Variants in OPCML observed in about 807,000 individuals in gnomAD.
OPCML encodes the protein opioid-binding protein/cell adhesion molecule.
A neutral mutation model predicts 37.8 loss-of-function variants in OPCML; 13 were observed. The observed-to-expected ratio is 0.34, with a 90% CI of 0.22 to 0.55. OPCML has a LOEUF of 0.55. Among genes scored for constraint, OPCML ranks in the 20% least tolerant of loss-of-function variants. The pLI, the probability that OPCML is intolerant of heterozygous loss-of-function variation, is 0.91. For synonymous variants in OPCML, 176 were observed against 168.8 expected, an observed-to-expected ratio of 1.04 and a Z score of -0.33; for missense variants, 341 against 435.6, an observed-to-expected ratio of 0.78 and a Z score of 1.93.
intron 1 of OPCML, among the ~76,000 whole-genome samples, chr11:133,163,707 T>A (rs750065961): frequency 3.3e-5 from 5 of 152,214 alleles, no homozygotes; most frequent in Non-Finnish European, 7.3e-5. Flanking sequence ...AATTTCAGAA[T>A]GCTCTCCCAC....
intron 3 of OPCML, among the ~76,000 whole-genome samples, chr11:132,569,596 AG>A (rs1284711218): frequency 6.6e-6 from 1 of 152,196 alleles, no homozygotes; most frequent in African/African-American, 2.4e-5. Context: ...ATGTGGCAGT[AG>A]GGGGTAGCCT....
intron 2 of OPCML, among the ~76,000 whole-genome samples, chr11:132,832,741 C>A (rs1462620098): frequency 2.6e-5 from 4 of 152,166 alleles, no homozygotes; most frequent in Admixed American, 2.0e-4. Flanking sequence ...AGTGTACATA[C>A]ACACACTAAA....
At chr11:133,245,432 G>A (rs1940885879) in intron 1 of OPCML, among the ~76,000 whole-genome samples, 1 of 152,160 alleles carries the variant, frequency 6.6e-6, no homozygotes, top group Non-Finnish European at 1.5e-5. Context: ...CCAGGTCAAA[G>A]CCTTCTGAAT....
chr11:132,649,930 C>T (rs1295150401), intron 3 of OPCML, among the ~76,000 whole-genome samples: 1 of 135,220 alleles, frequency 7.4e-6, no homozygotes, highest in Non-Finnish European at 1.6e-5. Flanking sequence ...CGCACTGTTA[C>T]ACACACACAC....
At chr11:133,262,826 G>T (rs914966903) in intron 1 of OPCML, among the ~76,000 whole-genome samples, 1 of 151,916 alleles carries the variant, frequency 6.6e-6, no homozygotes, top group East Asian at 2.0e-4. Context: ...AGGCTTGCAG[G>T]TGGATTGGCC....
At chr11:132,725,426 T>G (rs1944842762) in intron 2 of OPCML, among the ~76,000 whole-genome samples, 1 of 152,154 alleles carries the variant, frequency 6.6e-6, no homozygotes, top group Non-Finnish European at 1.5e-5. Context: ...AAACCACTTT[T>G]TCCTCCTAGG....
At chr11:133,117,059 A>T (rs1346230492) in intron 1 of OPCML, among the ~76,000 whole-genome samples, 2 of 152,058 alleles carry the variant, frequency 1.3e-5, no homozygotes, top group African/African-American at 4.8e-5. Context: ...TATTCTACTC[A>T]ATGGATTAAC....
At position 132,476,998 on chromosome 11, in the gene OPCML, T is replaced by C. The variant is rs150944402; in HGVS notation, c.506-39639A>G. On this transcript the variant is annotated intron_variant, in intron 4 of 7. Transcript: ENST00000524381. ...GAGTATCCATTATGCTGAATTAATA[T>C]GATTTTTGTCAAAAATAGGTAAATT... 6.0e-3 allele frequency among the ~76,000 whole-genome samples: 912 copies of C among 152,340 alleles called. 8 individuals are homozygous for C. Among genetic ancestry groups the C allele is most frequent in the Non-Finnish European group, 9.0e-3 (614 of 68,028 alleles).
intron 4 of OPCML, among the ~76,000 whole-genome samples, chr11:132,467,250 C>G (rs865837610): frequency 1.1e-4 from 17 of 152,318 alleles, no homozygotes; most frequent in Non-Finnish European, 2.1e-4. Flanking sequence ...CCCTGCTCCT[C>G]TAGCCTTCCG....
chr11:132,738,883 G>C (rs1187593130), intron 2 of OPCML, among the ~76,000 whole-genome samples: 1 of 152,078 alleles, frequency 6.6e-6, no homozygotes, highest in East Asian at 1.9e-4. Flanking sequence ...TGTCAAGAAG[G>C]GTTACTAATG....
At chr11:133,263,925 G>C (rs1941569887) in intron 1 of OPCML, among the ~76,000 whole-genome samples, 1 of 152,182 alleles carries the variant, frequency 6.6e-6, no homozygotes, top group Non-Finnish European at 1.5e-5. Flanking sequence ...GGGACCCAGG[G>C]ACAATTCCCA....
chr11:133,389,215 G>A (rs140624361), intron 1 of OPCML, among the ~76,000 whole-genome samples: 5 of 152,300 alleles, frequency 3.3e-5, no homozygotes, highest in Non-Finnish European at 5.9e-5. Flanking sequence ...ATAAAATCTT[G>A]TAACCCATCT....
At chr11:133,112,518 T>C (rs553355706) in intron 1 of OPCML, among the ~76,000 whole-genome samples, 24 of 152,264 alleles carry the variant, frequency 1.6e-4, no homozygotes, top group African/African-American at 5.5e-4. Context: ...CTTCCAAATA[T>C]TGTAGACATG....
chr11:133,403,137 C>T (rs1251596509), intron 1 of OPCML, among the ~76,000 whole-genome samples: 1 of 152,160 alleles, frequency 6.6e-6, no homozygotes, highest in African/African-American at 2.4e-5. Flanking sequence ...AAATCTGGGT[C>T]TCTACCACTT....
chr11:133,437,912 A>C (rs1946278703), intron 1 of OPCML, among the ~76,000 whole-genome samples: 1 of 152,172 alleles, frequency 6.6e-6, no homozygotes, highest in Non-Finnish European at 1.5e-5. Flanking sequence ...ATGAGGACAA[A>C]ATGAAGAGTT....
intron 3 of OPCML, among the ~76,000 whole-genome samples, chr11:132,617,057 T>C (rs1430219542): frequency 6.6e-6 from 1 of 152,238 alleles, no homozygotes; most frequent in Non-Finnish European, 1.5e-5. Flanking sequence ...TGCAGAAGTA[T>C]ATGTTGCAGC....
At chr11:132,569,956 A>AG (rs1173663153) in intron 3 of OPCML, among the ~76,000 whole-genome samples, 1 of 152,058 alleles carries the variant, frequency 6.6e-6, no homozygotes, top group Non-Finnish European at 1.5e-5. Context: ...TCAGTGAAAA[A>AG]AAAAAACCGA....
At chr11:132,471,261 G>A (rs978952827) in intron 4 of OPCML, among the ~76,000 whole-genome samples, 1 of 152,140 alleles carries the variant, frequency 6.6e-6, no homozygotes, top group Non-Finnish European at 1.5e-5. Flanking sequence ...ACATGGCAGG[G>A]GATGGCTGTG....
chr11:132,488,130 G>C (rs1319081747), intron 4 of OPCML, among the ~76,000 whole-genome samples: 1 of 152,194 alleles, frequency 6.6e-6, no homozygotes, highest in Non-Finnish European at 1.5e-5. Flanking sequence ...TCTCTGCCAG[G>C]AAAACCTGGT....
Sources: gnomAD v4.1 joint callset for allele counts (sites outside exome capture counted in the v4.1 genomes callset) on GRCh38, gnomAD v4.1.1 for gene constraint, MANE v1.5 for transcripts, NCBI Gene and HGNC (gene_info 2026-07-23, HGNC 2026-07-21) for gene names.